MPP2: variants seen among roughly 807,000 people sequenced by gnomAD.
The protein encoded by MPP2 is MAGUK p55 scaffold protein 2.
A neutral mutation model predicts 58.5 loss-of-function variants in MPP2; 42 were observed. That is an observed-to-expected ratio of 0.72 (90% CI 0.56 to 0.93). The LOEUF (loss-of-function observed/expected upper bound fraction) is 0.93, where lower values mean the gene tolerates loss of function less well. Ranked by LOEUF, MPP2 falls within the 40% of genes least tolerant of loss-of-function variation. The probability of loss-of-function intolerance (pLI) is 0.00; values close to 1 mark genes in which losing one functional copy is unlikely to be tolerated. For synonymous variants in MPP2, 300 were observed against 307.8 expected, an observed-to-expected ratio of 0.97 and a Z score of 0.26; for missense variants, 632 against 760.4, an observed-to-expected ratio of 0.83 and a Z score of 1.99.
At chr17:43,906,023 ACT>A in intron 1 of MPP2, 4 of 886,372 alleles carry the variant, frequency 4.5e-6, no homozygotes, top group Non-Finnish European at 5.4e-6. Flanking sequence ...GCCAATCTCT[ACT>A]CCTAGAGAGC....
chr17:43,896,158 C>A lies in MPP2; in HGVS notation c.150+2104G>T, dbSNP rs546971424. 2.6e-5 allele frequency among the ~76,000 whole-genome samples: 4 copies of A among 152,210 alleles called. No individual in the cohort carries two copies. The South Asian group carries it at 8.3e-4, about 32-fold the overall frequency. ...CTGGCTATACCTTCTTTCTCCCTAC[C>A]CTTGCTGTCATTGCCGACTTCCTGG... On this transcript the variant is annotated intron_variant, in intron 3 of 12. Transcript: ENST00000269095.
chr17:43,880,971 C>T lies in MPP2; in HGVS notation c.988+119G>A, dbSNP rs2047085813. The T allele has an allele frequency of 7.9e-6, 12 of 1,523,708 alleles. No homozygotes were observed. The highest frequency in any genetic ancestry group is 9.9e-6 in the Non-Finnish European group (11 of 1,111,232). 94.4% of individuals were successfully genotyped at this position (1,523,708 alleles called of 1,614,324 possible). On this transcript the variant is annotated intron_variant, in intron 9 of 12. Transcript: ENST00000269095. The surrounding 1 kb of genome is among the most constrained non-coding windows in gnomAD (Gnocchi z 5.2). ...GGGAGCAGGGGGGAGTCGGGCAGGG[C>T]CTAGGGACACGGCTGGCAGCATCTG... is the stretch of plus-strand genomic sequence containing the variant.
At chr17:43,896,838 C>A (rs193231683) in intron 3 of MPP2, among the ~76,000 whole-genome samples, 46 of 152,204 alleles carry the variant, frequency 3.0e-4, no homozygotes, top group African/African-American at 1.1e-3. Context: ...CCACCTTCAC[C>A]AAGAAATCTG....
chr17:43,877,732 G>A lies in MPP2; in HGVS notation c.*75C>T. On this transcript the variant is annotated 3_prime_UTR_variant, in exon 13 of 13. Coordinates refer to ENST00000269095, the MANE Select transcript of MPP2 (RefSeq NM_005374.5). The stretch of plus-strand genomic sequence containing the variant: ...TGGGGGCTAAGGATTGTGGCAGGGG[G>A]TCACAGGTCAGGAGGGGGATGGATT... The A allele has an allele frequency of 2.3e-6, 3 of 1,304,048 alleles. No individual in the cohort carries two copies. Among genetic ancestry groups the A allele is most frequent in the Non-Finnish European group, 3.3e-6 (3 of 919,210 alleles). The allele number at this position is 1,304,048 out of a possible 1,614,324, so 80.8% of individuals were successfully genotyped here.
chr17:43,900,645 G>T, intron 2 of MPP2: 1 of 1,435,406 alleles, frequency 7.0e-7, no homozygotes, highest in Non-Finnish European at 9.2e-7. Context: ...GGGAAGGCGG[G>T]AGTCGAGGAG....
chr17:43,909,671 CGT>C, upstream of MPP2: 5 of 1,298,432 alleles, frequency 3.9e-6, no homozygotes, highest in South Asian at 8.6e-5. Context: ...CCACTGCATT[CGT>C]CGGTCAACAA....
In MPP2 at chr17:43,879,488, G is replaced by A. The variant is rs2047003073; in HGVS notation, c.1354-85C>T. The A allele has an allele frequency of 1.3e-6, 2 of 1,558,516 alleles. No individual in the cohort carries two copies. The highest frequency in any genetic ancestry group is 3.4e-5 in the Admixed American group (2 of 58,590). ...AAAGGCTGTGAGGGTAACTGGGGTTGGGGTGAGCACTTGGGAGTGGATGAG... is the reference window on the plus strand; with the variant it reads ...AAAGGCTGTGAGGGTAACTGGGGTTAGGGTGAGCACTTGGGAGTGGATGAG... On this transcript the variant is annotated intron_variant, in intron 11 of 12. Coordinates refer to ENST00000269095, the MANE Select transcript of MPP2 (RefSeq NM_005374.5). The surrounding 1 kb of genome is among the most constrained non-coding windows in gnomAD (Gnocchi z 4.1).
intron 1 of MPP2, among the ~76,000 whole-genome samples, chr17:43,906,959 G>GC (rs894065275): frequency 6.7e-6 from 1 of 149,708 alleles, no homozygotes; most frequent in Non-Finnish European, 1.5e-5. Flanking sequence ...CTCCCGACCC[G>GC]CCCCGCTACA....
At chr17:43,889,402 G>A (rs1373687546) in intron 3 of MPP2, among the ~76,000 whole-genome samples, 12 of 132,494 alleles carry the variant, frequency 9.1e-5, no homozygotes, top group African/African-American at 1.8e-4. Context: ...TCGCTCTATC[G>A]CCCAGCCTGG....
intron 3 of MPP2, chr17:43,883,964 G>A: frequency 1.6e-6 from 1 of 613,390 alleles, no homozygotes; most frequent in Non-Finnish European, 2.9e-6. Flanking sequence ...CCAGCCCAGT[G>A]GGGAGTGTTA....
chr17:43,897,751 C>T (rs756771856), intron 3 of MPP2, among the ~76,000 whole-genome samples: 1 of 152,160 alleles, frequency 6.6e-6, no homozygotes, highest in Non-Finnish European at 1.5e-5. Flanking sequence ...CTCAAGTGGT[C>T]CTTCCTCCAG....
chr17:43,884,082 A>AC (rs1419763119), intron 3 of MPP2: 2 of 702,548 alleles, frequency 2.8e-6, no homozygotes, highest in East Asian at 2.7e-5. Context: ...AAGCCACTTT[A>AC]CCCCAAAGTA....
At position 43,877,967 on chromosome 17, in the gene MPP2, C is replaced by A; in HGVS notation, c.1499G>T (p.Arg500Leu). Reference sequence around the variant, plus strand: ...GATGCGGCTGCTCTCCTCCACTGTCCGTCTCAGGTCCGCCTCCTGCCCAGG... The same window carrying A: ...GATGCGGCTGCTCTCCTCCACTGTCAGTCTCAGGTCCGCCTCCTGCCCAGG... ...TKQLTEADLR[R>L]TVEESSRIQR... Residue 500 changes from arginine to leucine, a missense_variant, in exon 13 of 13, where the codon CGG becomes CTG. By Grantham distance (102) the Arg-to-Leu change is moderately radical. Transcript: ENST00000269095. The A allele has an allele frequency of 6.2e-7, 1 of 1,613,284 alleles. No individual in the cohort carries two copies.
Position 43,880,285 on chromosome 17 carries a change from C to T in MPP2, c.1151-301G>A, listed in dbSNP as rs1322847639. Among the ~76,000 whole-genome samples, 1 of 152,162 alleles carries T rather than the reference C, an allele frequency of 6.6e-6. No individual in the cohort carries two copies. The highest frequency in any genetic ancestry group is 1.5e-5 in the Non-Finnish European group (1 of 68,024). On this transcript the variant is annotated intron_variant, in intron 10 of 12. Transcript: ENST00000269095. The surrounding 1 kb of genome is among the most constrained non-coding windows in gnomAD (Gnocchi z 5.2). Reference sequence around the variant, plus strand: ...AAGAGCCAAGCAGACCAGGGCAGTGCTCTTAGTCCTGCCTCTGGCAGCCAG... The same window carrying T: ...AAGAGCCAAGCAGACCAGGGCAGTGTTCTTAGTCCTGCCTCTGGCAGCCAG...
rs779453977 is a variant in MPP2 at position 43,882,504 on chromosome 17, G to A, written c.461C>T (p.Thr154Met). The stretch of plus-strand genomic sequence containing the variant: ...CAGCTCGCCGCCCTCCACGCGGAAC[G>A]TTACACCCTGGAGGTCAGAGGGAGT... ...RKTAGEHLGV[T>M]FRVEGGELVI... Residue 154 changes from threonine to methionine, a missense_variant, in exon 6 of 13, where the codon ACG becomes ATG. Thr to Met is a moderately conservative substitution (Grantham distance 81). Coordinates refer to ENST00000269095, the MANE Select transcript of MPP2 (RefSeq NM_005374.5). The A allele has an allele frequency of 1.2e-5, 20 of 1,603,364 alleles. No individual in the cohort carries two copies. Among genetic ancestry groups the A allele is most frequent in the Non-Finnish European group, 1.6e-5 (19 of 1,179,828 alleles).
intron 2 of MPP2, chr17:43,900,655 GCGCCCT>G (rs2048057999): frequency 7.0e-7 from 1 of 1,428,106 alleles, no homozygotes; most frequent in African/African-American, 1.4e-5. Context: ...GAGTCGAGGA[GCGCCCT>G]CTGAGGAACC....
upstream of MPP2, chr17:43,907,587 G>C: frequency 1.0e-6 from 1 of 985,528 alleles, no homozygotes; most frequent in Non-Finnish European, 1.2e-6. Flanking sequence ...TCTCCGCGAG[G>C]GGGCGGAGGT....
At chr17:43,907,792 C>T, upstream of MPP2, 1 of 985,470 alleles carries the variant, frequency 1.0e-6, no homozygotes, top group Non-Finnish European at 1.2e-6. Flanking sequence ...TGCCCCTCGG[C>T]TCCCAAGGAT....
intron 3 of MPP2, among the ~76,000 whole-genome samples, chr17:43,895,942 C>G (rs971499311): frequency 1.3e-5 from 2 of 152,206 alleles, no homozygotes; most frequent in Non-Finnish European, 2.9e-5. Context: ...AACTTTTCAT[C>G]TTTCGCTGTT....
Sources: gnomAD v4.1 joint callset for allele counts (sites outside exome capture counted in the v4.1 genomes callset) on GRCh38, gnomAD v4.1.1 for gene constraint, Gnocchi (gnomAD v3.1) non-coding constraint, MANE v1.5 for transcripts, NCBI Gene and HGNC (gene_info 2026-07-23, HGNC 2026-07-21) for gene names.